The following COL23A1 variants were observed in gnomAD, a reference collection of about 807,000 sequenced individuals.
The protein encoded by COL23A1 is collagen alpha-1(XXIII) chain.
A neutral mutation model predicts 99.3 loss-of-function variants in COL23A1; 97 were observed. That is an observed-to-expected ratio of 0.98 (90% CI 0.83 to 1.16). The LOEUF (loss-of-function observed/expected upper bound fraction) is 1.16, where lower values mean the gene tolerates loss of function less well. Ranked by LOEUF, COL23A1 falls within the 50% of genes most tolerant of loss-of-function variation. COL23A1 has a pLI of 0.00. For missense variants in COL23A1, 762 were observed against 757.4 expected, an observed-to-expected ratio of 1.01 and a Z score of -0.07; for synonymous variants, 320 against 308.2, an observed-to-expected ratio of 1.04 and a Z score of -0.40.
intron 2 of COL23A1, among the ~76,000 whole-genome samples, chr5:178,345,705 T>C (rs1400970249): frequency 6.6e-6 from 1 of 151,572 alleles, no homozygotes; most frequent in African/African-American, 2.4e-5. Flanking sequence ...TTTTTTTTTT[T>C]CAGTAGAGAC....
chr5:178,437,629 G>T (rs1376727797), intron 2 of COL23A1, among the ~76,000 whole-genome samples: 1 of 152,186 alleles, frequency 6.6e-6, no homozygotes, highest in Non-Finnish European at 1.5e-5. Context: ...GTCCCACTGA[G>T]TTCTCAGGGC....
chr5:178,422,175 A>G (rs1452171235), intron 2 of COL23A1, among the ~76,000 whole-genome samples: 1 of 152,166 alleles, frequency 6.6e-6, no homozygotes, highest in Non-Finnish European at 1.5e-5. Context: ...TGTCTGGATA[A>G]TAGGTGAGCC....
At chr5:178,451,772 T>A (rs1767504161) in intron 2 of COL23A1, among the ~76,000 whole-genome samples, 1 of 152,010 alleles carries the variant, frequency 6.6e-6, no homozygotes, top group African/African-American at 2.4e-5. Flanking sequence ...CAGTCTAGAC[T>A]ATTTTATTCT....
intron 2 of COL23A1, among the ~76,000 whole-genome samples, chr5:178,333,517 C>T (rs952240916): frequency 6.6e-6 from 1 of 152,200 alleles, no homozygotes; most frequent in Non-Finnish European, 1.5e-5. Flanking sequence ...TGTCCTCACT[C>T]CTCTGCCTGG....
chr5:178,325,501 G>A (rs892426656), intron 2 of COL23A1, among the ~76,000 whole-genome samples: 7 of 148,980 alleles, frequency 4.7e-5, no homozygotes, highest in African/African-American at 1.7e-4. Flanking sequence ...TTTTTTTTTG[G>A]CCAGGAAAAC....
At chr5:178,357,752 G>GTA (rs1218078619) in intron 2 of COL23A1, among the ~76,000 whole-genome samples, 13 of 147,726 alleles carry the variant, frequency 8.8e-5, no homozygotes, top group Admixed American at 2.0e-4. Context: ...ACGTGTATGT[G>GTA]TGTGTGTACG....
At chr5:178,581,598 A>G (rs1763664978) in intron 1 of COL23A1, among the ~76,000 whole-genome samples, 1 of 151,248 alleles carries the variant, frequency 6.6e-6, no homozygotes. Context: ...ACGAAAAACA[A>G]AGCCCGAAAG....
chr5:178,268,174 C>T (rs575375035), intron 7 of COL23A1, among the ~76,000 whole-genome samples: 5 of 152,322 alleles, frequency 3.3e-5, no homozygotes, highest in African/African-American at 9.6e-5. Flanking sequence ...TGGGAGCACC[C>T]GGCTGGCCCT....
intron 2 of COL23A1, among the ~76,000 whole-genome samples, chr5:178,490,763 C>T (rs934249856): frequency 2.0e-5 from 3 of 151,900 alleles, no homozygotes; most frequent in African/African-American, 7.3e-5. Flanking sequence ...GGTGACACAG[C>T]GAGACCCTGT....
intron 2 of COL23A1, among the ~76,000 whole-genome samples, chr5:178,502,345 A>G (rs907043499): frequency 1.1e-4 from 17 of 152,104 alleles, no homozygotes; most frequent in East Asian, 1.9e-4. Context: ...GTTAGCCAGG[A>G]TGGTCTCGAT....
chr5:178,285,937 G>C (rs1757126228), intron 5 of COL23A1, among the ~76,000 whole-genome samples: 1 of 152,240 alleles, frequency 6.6e-6, no homozygotes, highest in Non-Finnish European at 1.5e-5. Flanking sequence ...AGCTGAGCGG[G>C]GTGTCTGCCC....
rs1284391721 is a variant in COL23A1, at chr5:178,387,633, T to G, written c.362-80714A>C. Among the ~76,000 whole-genome samples the G allele has an allele frequency of 6.6e-6, 1 of 152,194 alleles. No individual in the cohort carries two copies. The highest frequency in any genetic ancestry group is 1.5e-5 in the Non-Finnish European group (1 of 68,028). On this transcript the variant is annotated intron_variant, in intron 2 of 28. Transcript: ENST00000390654. This position sits in a 1 kb window ranked among gnomAD's most constrained non-coding sequence, Gnocchi z 4.7. ...TGGACCAATAACTTCTAGAGGCTCA[T>G]GACCATTTACCTTTTATCCCCAGTA...
intron 2 of COL23A1, among the ~76,000 whole-genome samples, chr5:178,519,113 C>T (rs1328506122): frequency 1.3e-5 from 2 of 151,806 alleles, no homozygotes; most frequent in African/African-American, 4.8e-5. Context: ...CAGCCCGCGG[C>T]GCCTTCGAGC....
At chr5:178,244,961 T>TC (rs1300084748) in intron 25 of COL23A1, among the ~76,000 whole-genome samples, 1 of 145,020 alleles carries the variant, frequency 6.9e-6, no homozygotes, top group East Asian at 2.3e-4. Context: ...ACTGCCATCA[T>TC]CATCCATCCA....
At chr5:178,323,977 T>G (rs1759494257) in intron 2 of COL23A1, among the ~76,000 whole-genome samples, 1 of 152,192 alleles carries the variant, frequency 6.6e-6, no homozygotes, top group Admixed American at 6.5e-5. Context: ...TCCAAAGCAC[T>G]TGCCTTTTCT....
At chr5:178,293,882 G>C (rs949357488) in intron 3 of COL23A1, among the ~76,000 whole-genome samples, 1 of 152,054 alleles carries the variant, frequency 6.6e-6, no homozygotes, top group Non-Finnish European at 1.5e-5. Flanking sequence ...GTTGTCAGAG[G>C]AGGCCAAGTC....
intron 25 of COL23A1, 137 bp downstream of exon 25, chr5:178,245,805 C>T (rs534779236): frequency 8.1e-6 from 8 of 984,026 alleles, no homozygotes; most frequent in Non-Finnish European, 1.3e-5. Flanking sequence ...AATGGGGACA[C>T]AGGGGGAACC....
rs528117830 is a variant in COL23A1 at position 178,485,779 on chromosome 5, CAA to C, written c.361+74901_361+74902del. On this transcript the variant is annotated intron_variant, in intron 2 of 28. Coordinates refer to ENST00000390654, the MANE Select transcript of COL23A1 (RefSeq NM_173465.4). ...CCTGGGTGACAGAGTGACTCCATCT[CAA>C]AAAAAAAAAAAAAAAAACACAGAAA... 7.4e-4 allele frequency among the ~76,000 whole-genome samples: 74 copies of C among 99,332 alleles called. 1 individual carries two copies. The highest frequency in any genetic ancestry group is 2.6e-3 in the Admixed American group (23 of 8,858). The allele number at this position is 99,332 out of a possible 152,430, so 65.2% of individuals were successfully genotyped here.
At chr5:178,520,226 G>A (rs550192524) in intron 2 of COL23A1, among the ~76,000 whole-genome samples, 26 of 152,276 alleles carry the variant, frequency 1.7e-4, no homozygotes, top group African/African-American at 6.3e-4. Flanking sequence ...GGAAGACTGG[G>A]AAGGAATCAG....
Sources: gnomAD v4.1 joint callset for allele counts (sites outside exome capture counted in the v4.1 genomes callset) on GRCh38, gnomAD v4.1.1 for gene constraint, Gnocchi (gnomAD v3.1) non-coding constraint, MANE v1.5 for transcripts, NCBI Gene and HGNC (gene_info 2026-07-23, HGNC 2026-07-21) for gene names.